Variants in KIF6 observed in about 807,000 individuals in gnomAD.
KIF6 encodes the protein kinesin-like protein KIF6.
A neutral mutation model predicts 112.7 loss-of-function variants in KIF6; 106 were observed. The ratio of observed to expected loss-of-function variants is 0.94; its 90% confidence interval spans 0.80 to 1.11. The LOEUF (loss-of-function observed/expected upper bound fraction) is 1.11. Ranked by LOEUF, KIF6 falls within the 50% of genes least tolerant of loss-of-function variation. KIF6 has a pLI of 0.00. For missense variants in KIF6, 929 were observed against 964.0 expected, an observed-to-expected ratio of 0.96 and a Z score of 0.48; for synonymous variants, 339 against 339.9, an observed-to-expected ratio of 1.00 and a Z score of 0.03.
intron 6 of KIF6, among the ~76,000 whole-genome samples, chr6:39,603,769 T>G (rs1357048587): frequency 6.6e-6 from 1 of 152,160 alleles, no homozygotes; most frequent in Non-Finnish European, 1.5e-5. Flanking sequence ...AGACAGTTAA[T>G]GCAGCCTTCA....
intron 15 of KIF6, among the ~76,000 whole-genome samples, chr6:39,416,186 T>C (rs1454297042): frequency 2.0e-5 from 3 of 152,268 alleles, no homozygotes; most frequent in Admixed American, 2.0e-4. Context: ...CCATTCATTG[T>C]CCTTTGTTGC....
chr6:39,652,030 G>C (rs909664141), intron 3 of KIF6, among the ~76,000 whole-genome samples: 1 of 152,152 alleles, frequency 6.6e-6, no homozygotes, highest in Non-Finnish European at 1.5e-5. Flanking sequence ...CATGGCAGCA[G>C]AGATGATGAA....
chr6:39,455,239 G>A lies in KIF6; in HGVS notation c.1646-24078C>T, dbSNP rs2150413604. Among the ~76,000 whole-genome samples, 3 of 151,696 alleles carry A rather than the reference G, an allele frequency of 2.0e-5. No individual in the cohort carries two copies. In the South Asian group the frequency reaches 6.3e-4, roughly 32 times the overall value. ...TGACCCCCGAGCAGCCTAACTGGGA[G>A]GCACCCCCCAGCAGGGGCACACTGA... On this transcript the variant is annotated intron_variant, in intron 13 of 22. Coordinates refer to ENST00000287152, the MANE Select transcript of KIF6 (RefSeq NM_145027.6).
At chr6:39,403,428 T>A (rs1768853481) in intron 15 of KIF6, among the ~76,000 whole-genome samples, 1 of 152,246 alleles carries the variant, frequency 6.6e-6, no homozygotes, top group Non-Finnish European at 1.5e-5. Flanking sequence ...TTTATGAGAC[T>A]GGCTTCTTTC....
chr6:39,702,127 A>G (rs1167854899), intron 3 of KIF6, among the ~76,000 whole-genome samples: 1 of 152,182 alleles, frequency 6.6e-6, no homozygotes, highest in Non-Finnish European at 1.5e-5. Context: ...TTTGTCTAGT[A>G]TAGCCTCTGC....
At chr6:39,467,139 G>A (rs941970366) in intron 13 of KIF6, among the ~76,000 whole-genome samples, 1 of 152,212 alleles carries the variant, frequency 6.6e-6, no homozygotes, top group Non-Finnish European at 1.5e-5. Flanking sequence ...TGAAGGTGCT[G>A]TAGAAAACAA....
chr6:39,683,341 A>T (rs1348012946), intron 3 of KIF6, among the ~76,000 whole-genome samples: 1 of 152,210 alleles, frequency 6.6e-6, no homozygotes. Flanking sequence ...GATACTTTAG[A>T]GTTCAGTTGA....
Position 39,349,570 on chromosome 6 carries a change from G to A in KIF6, c.2181-3044C>T, listed in dbSNP as rs1486545287. 3.3e-5 allele frequency among the ~76,000 whole-genome samples: 5 copies of A among 151,484 alleles called. No individual in the cohort carries two copies. The South Asian group carries it at 8.4e-4, about 25-fold the overall frequency. On this transcript the variant is annotated intron_variant, in intron 19 of 22. Transcript: ENST00000287152. The stretch of plus-strand genomic sequence containing the variant: ...GCAGGCAGAGGGCAGGGGGAGCAGT[G>A]GGTGGAAGGAAGAAAAGGCACTTGC...
chr6:39,534,955 C>T (rs1379774575), intron 13 of KIF6, among the ~76,000 whole-genome samples: 1 of 152,116 alleles, frequency 6.6e-6, no homozygotes, highest in Non-Finnish European at 1.5e-5. Flanking sequence ...TCATATCCAG[C>T]CAAACTAAGC....
intron 3 of KIF6, among the ~76,000 whole-genome samples, chr6:39,673,879 A>C (rs1217820293): frequency 6.6e-6 from 1 of 152,188 alleles, no homozygotes; most frequent in East Asian, 1.9e-4. Flanking sequence ...TTTGTCTAAC[A>C]AATCTTGAAA....
chr6:39,580,784 G>A (rs1781243250), intron 9 of KIF6, among the ~76,000 whole-genome samples: 1 of 152,118 alleles, frequency 6.6e-6, no homozygotes, highest in African/African-American at 2.4e-5. Flanking sequence ...CATGTACCCT[G>A]TACTTAAGAA....
At position 39,664,567 on chromosome 6, in the gene KIF6, A is replaced by T. The variant is rs1786349085; in HGVS notation, c.252-24810T>A. Among the ~76,000 whole-genome samples, 3 of 152,230 alleles carry T rather than the reference A, an allele frequency of 2.0e-5. No individual in the cohort carries two copies. The South Asian group carries it at 6.2e-4, about 31-fold the overall frequency. On this transcript the variant is annotated intron_variant, in intron 3 of 22. Transcript: ENST00000287152. ...TTGGTAGTGAATTAGATATGTAAAG[A>T]AGGAACATGAACTGGGTGGGAGCAA... is the stretch of plus-strand genomic sequence containing the variant.
chr6:39,676,737 A>C (rs2113757389), intron 3 of KIF6, among the ~76,000 whole-genome samples: 1 of 152,278 alleles, frequency 6.6e-6, no homozygotes, highest in Non-Finnish European at 1.5e-5. Context: ...AACAATAGCC[A>C]CTAAAAGAAA....
At chr6:39,724,580 A>C (rs1488448689) in intron 1 of KIF6, among the ~76,000 whole-genome samples, 3 of 152,060 alleles carry the variant, frequency 2.0e-5, no homozygotes, top group African/African-American at 4.8e-5. Flanking sequence ...ATATTTAGTT[A>C]ATTGTTTCTG....
At chr6:39,371,103 C>A (rs968269571) in intron 16 of KIF6, among the ~76,000 whole-genome samples, 2 of 152,160 alleles carry the variant, frequency 1.3e-5, no homozygotes, top group African/African-American at 4.8e-5. Flanking sequence ...CCTGTTCAGT[C>A]TACCAACATG....
chr6:39,351,036 C>A (rs1047085360), intron 19 of KIF6, among the ~76,000 whole-genome samples: 1 of 152,108 alleles, frequency 6.6e-6, no homozygotes, highest in African/African-American at 2.4e-5. Flanking sequence ...GGCTGAGAGC[C>A]ATCTTCCCCA....
At chr6:39,704,081 G>GA (rs35233410) in intron 3 of KIF6, among the ~76,000 whole-genome samples, 1 of 151,990 alleles carries the variant, frequency 6.6e-6, no homozygotes, top group African/African-American at 2.4e-5. Flanking sequence ...AGTTAAGGGG[G>GA]AAAAAAATCA....
chr6:39,334,151 T>C lies in KIF6; in HGVS notation c.*2381A>G, dbSNP rs1347275286. ...GGCCCCAGATCCCATGTTGTGTGTT[T>C]TTCTGTCTTCATTTCCTTTCCTGTC... On this transcript the variant is annotated 3_prime_UTR_variant, in exon 23 of 23. Coordinates refer to ENST00000287152, the MANE Select transcript of KIF6 (RefSeq NM_145027.6). 6.6e-6 allele frequency: 1 copy of C among 152,296 alleles called. No individual in the cohort carries two copies. The highest frequency in any genetic ancestry group is 2.4e-5 in the African/African-American group (1 of 41,478). 9.4% of individuals were successfully genotyped at this position (152,296 alleles called of 1,614,324 possible). A position where few individuals can be genotyped will look rare whatever the true frequency, so the allele number is the denominator to read the frequency against.
chr6:39,694,617 G>C (rs1437005237), intron 3 of KIF6, among the ~76,000 whole-genome samples: 1 of 152,106 alleles, frequency 6.6e-6, no homozygotes, highest in African/African-American at 2.4e-5. Context: ...AGCCAAGGAG[G>C]TAAGATCTCT....
Sources: allele counts gnomAD v4.1 joint callset (sites outside exome capture counted in the v4.1 genomes callset), GRCh38; gene constraint gnomAD v4.1.1; transcripts MANE v1.5; gene names NCBI Gene and HGNC (gene_info 2026-07-23, HGNC 2026-07-21).